The following ASTN2 variants were observed in gnomAD, a reference collection of about 807,000 sequenced individuals.
ASTN2 encodes the protein astrotactin-2.
In ASTN2, 54 loss-of-function variants were observed where a neutral mutation model predicts 139.8. The observed-to-expected ratio is 0.39, with a 90% confidence interval of 0.31 to 0.48. The LOEUF (loss-of-function observed/expected upper bound fraction) is 0.48. ASTN2 is among the 20% of genes least tolerant of loss of function. ASTN2 has a pLI of 0.95. For synonymous variants in ASTN2, 756 were observed against 719.5 expected (o/e 1.05, Z -0.81); for missense variants, 1,565 against 1,725.1 (o/e 0.91, Z 1.64).
At chr9:116,553,967 C>T (rs1321416743) in intron 19 of ASTN2, among the ~76,000 whole-genome samples, 9 of 152,072 alleles carry the variant, frequency 5.9e-5, no homozygotes, top group Admixed American at 5.2e-4. Flanking sequence ...AACGAATGAA[C>T]GAATGAATGA....
intron 6 of ASTN2, among the ~76,000 whole-genome samples, chr9:117,030,883 T>C (rs1343522145): frequency 1.3e-5 from 2 of 152,196 alleles, no homozygotes; most frequent in Non-Finnish European, 2.9e-5. Context: ...ATAATTATAT[T>C]ACCAATTTCA....
intron 4 of ASTN2, among the ~76,000 whole-genome samples, chr9:117,113,872 G>C (rs554570017): frequency 6.6e-5 from 10 of 152,080 alleles, no homozygotes; most frequent in Admixed American, 3.3e-4. Flanking sequence ...TAGAAAGAAG[G>C]ATGTACTGTA....
At chr9:116,886,691 G>GT (rs1833606285) in intron 10 of ASTN2, among the ~76,000 whole-genome samples, 1 of 150,876 alleles carries the variant, frequency 6.6e-6, no homozygotes, top group South Asian at 2.1e-4. Context: ...GTTTTGTTTT[G>GT]TTTTTTAGTG....
chr9:116,727,792 C>T (rs1828671491), intron 15 of ASTN2, among the ~76,000 whole-genome samples: 1 of 152,290 alleles, frequency 6.6e-6, no homozygotes, highest in Middle Eastern at 3.4e-3. Context: ...TTTAACCTCC[C>T]TAACCCTCAG....
intron 6 of ASTN2, among the ~76,000 whole-genome samples, chr9:117,028,924 C>A (rs549986511): frequency 6.6e-6 from 1 of 152,260 alleles, no homozygotes; most frequent in Non-Finnish European, 1.5e-5. Flanking sequence ...CCACCTTGTT[C>A]CCCTCCTACA....
chr9:116,786,757 G>A (rs1373637967), intron 13 of ASTN2, among the ~76,000 whole-genome samples: 21 of 152,152 alleles, frequency 1.4e-4, no homozygotes, highest in Admixed American at 1.4e-3. Context: ...GTTTGGCTGT[G>A]TCCCCACTGA....
Position 116,775,812 on chromosome 9 carries a change from AAAGG to A in ASTN2, c.2396+29816_2396+29819del, listed in dbSNP as rs1474246794. Among the ~76,000 whole-genome samples the A allele has an allele frequency of 2.2e-3, 244 of 112,548 alleles. 2 individuals carry two copies. The highest frequency in any genetic ancestry group is 4.4e-3 in the African/African-American group (139 of 31,450). The allele number at this position is 112,548 out of a possible 152,430, so 73.8% of individuals were successfully genotyped here. A position where few individuals can be genotyped will look rare whatever the true frequency, so the allele number is the denominator to read the frequency against. Reference sequence around the variant, plus strand: ...AGGAGGGAAGGAGGAGGGAAGGAAGAAAGGAAGGAAGAAAGGAAGGAAGGCAGGC... The same window carrying A: ...AGGAGGGAAGGAGGAGGGAAGGAAGAAAGGAAGAAAGGAAGGAAGGCAGGC... On this transcript the variant is annotated intron_variant, in intron 13 of 22. Coordinates refer to ENST00000313400, the MANE Select transcript of ASTN2 (RefSeq NM_001365068.1).
At chr9:116,501,547 T>C (rs1282574038) in intron 19 of ASTN2, among the ~76,000 whole-genome samples, 1 of 152,158 alleles carries the variant, frequency 6.6e-6, no homozygotes, top group Non-Finnish European at 1.5e-5. Flanking sequence ...CCACACTGAC[T>C]TCCAGAATGG....
intron 19 of ASTN2, among the ~76,000 whole-genome samples, chr9:116,509,879 T>G (rs529553238): frequency 6.6e-6 from 1 of 152,182 alleles, no homozygotes; most frequent in African/African-American, 2.4e-5. Context: ...TAAATTTGTT[T>G]GAGTTCGTTG....
intron 10 of ASTN2, among the ~76,000 whole-genome samples, chr9:116,879,832 A>G (rs1001673173): frequency 1.3e-4 from 20 of 152,220 alleles, no homozygotes; most frequent in Non-Finnish European, 1.9e-4. Context: ...AAGCCCTGAG[A>G]ACAGGGATTC....
At chr9:116,772,030 C>A (rs1829964446) in intron 13 of ASTN2, among the ~76,000 whole-genome samples, 1 of 151,420 alleles carries the variant, frequency 6.6e-6, no homozygotes. Context: ...GGCAGCCATG[C>A]CATTATATTT....
chr9:116,497,000 A>C (rs953237713), intron 19 of ASTN2, among the ~76,000 whole-genome samples: 2 of 152,192 alleles, frequency 1.3e-5, no homozygotes, highest in African/African-American at 2.4e-5. Flanking sequence ...GACACAGCCA[A>C]ACCATGTCAA....
intron 13 of ASTN2, among the ~76,000 whole-genome samples, chr9:116,743,091 T>C (rs1425554311): frequency 6.6e-6 from 1 of 152,106 alleles, no homozygotes; most frequent in Non-Finnish European, 1.5e-5. Context: ...CTCACCAACC[T>C]CTGCCTTCTC....
Position 116,918,662 on chromosome 9 carries a change from T to A in ASTN2, c.1890-54929A>T, listed in dbSNP as rs959996328. Among the ~76,000 whole-genome samples the A allele has an allele frequency of 2.6e-5, 4 of 152,228 alleles. No homozygotes were observed. In the South Asian group the frequency reaches 8.3e-4, roughly 31 times the overall value. The stretch of plus-strand genomic sequence containing the variant: ...TCCTTTCCACTGTTTGCCTTGCTAG[T>A]GTCCCTCTGGCATCTCCATTACACG... On this transcript the variant is annotated intron_variant, in intron 10 of 22. Transcript: ENST00000313400.
chr9:116,565,198 T>C (rs1564119669), intron 19 of ASTN2, among the ~76,000 whole-genome samples: 1 of 133,996 alleles, frequency 7.5e-6, no homozygotes, highest in East Asian at 2.2e-4. Context: ...TATGAAAAAA[T>C]CCTTAGGCTT....
intron 16 of ASTN2, among the ~76,000 whole-genome samples, chr9:116,669,975 T>G (rs1213516908): frequency 1.3e-5 from 2 of 152,134 alleles, no homozygotes; most frequent in African/African-American, 4.8e-5. Context: ...CAGCTAATTT[T>G]TGTATTTTTA....
chr9:117,284,769 C>T (rs547572354), intron 2 of ASTN2, among the ~76,000 whole-genome samples: 1 of 152,210 alleles, frequency 6.6e-6, no homozygotes, highest in Non-Finnish European at 1.5e-5. Flanking sequence ...TATCTATCAT[C>T]TCTGATGATT....
intron 16 of ASTN2, among the ~76,000 whole-genome samples, chr9:116,658,435 T>C (rs1858356788): frequency 6.6e-6 from 1 of 152,210 alleles, no homozygotes; most frequent in Non-Finnish European, 1.5e-5. Flanking sequence ...GGCCTGGAAC[T>C]GTTTTAAGCC....
chr9:116,428,353 G>A (rs1479147065), intron 22 of ASTN2, among the ~76,000 whole-genome samples: 2 of 152,098 alleles, frequency 1.3e-5, no homozygotes, highest in Non-Finnish European at 2.9e-5. Context: ...CTGAAACCCT[G>A]TCTTTACTAA....
Sources: allele counts gnomAD v4.1 joint callset (sites outside exome capture counted in the v4.1 genomes callset), GRCh38; gene constraint gnomAD v4.1.1; transcripts MANE v1.5; gene names NCBI Gene and HGNC (gene_info 2026-07-23, HGNC 2026-07-21).